ZMYND8: variants seen among roughly 807,000 people sequenced by gnomAD.
ZMYND8 encodes zinc finger MYND-type containing 8.
ZMYND8 carries 37 observed loss-of-function variants against 140.8 expected under a neutral mutation model. That is an observed-to-expected ratio of 0.26 (90% CI 0.20 to 0.35). ZMYND8 has a LOEUF of 0.35. Among genes scored for constraint, ZMYND8 ranks in the 10% least tolerant of loss-of-function variants. The pLI is 1.00. For missense variants in ZMYND8, 1,068 were observed against 1,570.0 expected, an observed-to-expected ratio of 0.68 and a Z score of 5.40; for synonymous variants, 592 against 597.1, an observed-to-expected ratio of 0.99 and a Z score of 0.12.
chr20:47,325,408 C>T (rs745329630), intron 2 of ZMYND8, among the ~76,000 whole-genome samples: 1 of 152,098 alleles, frequency 6.6e-6, no homozygotes, highest in Non-Finnish European at 1.5e-5. Flanking sequence ...GTTAACAAAG[C>T]CCTGTACAGG....
In ZMYND8 at chr20:47,265,053, CAT is replaced by C. The variant is rs199638521; in HGVS notation, c.1481-2627_1481-2626del. Among the ~76,000 whole-genome samples the C allele has an allele frequency of 2.5e-4, 28 of 114,276 alleles. 1 individual carries two copies. The highest frequency in any genetic ancestry group is 3.8e-4 in the Non-Finnish European group (18 of 46,764). The allele number at this position is 114,276 out of a possible 152,430, so 75.0% of individuals were successfully genotyped here. ...CCCTGTCCCCAAAAAAATATATATA[CAT>C]ATATATATATATAGGCATTTTAACG... is the stretch of plus-strand genomic sequence containing the variant. On this transcript the variant is annotated intron_variant, in intron 11 of 22. Transcript: ENST00000471951.
At chr20:47,300,750 T>C (rs890828946) in intron 3 of ZMYND8, among the ~76,000 whole-genome samples, 4 of 152,210 alleles carry the variant, frequency 2.6e-5, no homozygotes, top group African/African-American at 9.6e-5. Flanking sequence ...GGTCTTGCTC[T>C]GTCGCCCAGG....
intron 1 of ZMYND8, 43 bp from the exon 2 acceptor site, chr20:47,347,969 A>G: frequency 6.2e-7 from 1 of 1,602,140 alleles, no homozygotes; most frequent in Non-Finnish European, 8.5e-7. Context: ...AAGGCTGAGA[A>G]CTTGCCCCAT....
In ZMYND8 at chr20:47,286,177, AT is replaced by A. The variant is rs35537741; in HGVS notation, c.804+1051del. ...TATAGATATAAATTTATAAGGATAG[AT>A]TTTTTTTTTTTTTCTCGGAGACAGA... On this transcript the variant is annotated intron_variant, in intron 8 of 22. Transcript: ENST00000471951. 1.4e-3 allele frequency among the ~76,000 whole-genome samples: 211 copies of A among 146,356 alleles called. 1 individual carries two copies. The highest frequency in any genetic ancestry group is 6.9e-3 in the Middle Eastern group (2 of 288).
intron 3 of ZMYND8, among the ~76,000 whole-genome samples, chr20:47,300,128 C>T (rs1026216962): frequency 3.3e-5 from 5 of 152,114 alleles, no homozygotes; most frequent in African/African-American, 1.2e-4. Flanking sequence ...CACTTGAACA[C>T]AAAAACTCAC....
At chr20:47,271,334 T>G (rs963852613) in intron 11 of ZMYND8, among the ~76,000 whole-genome samples, 1 of 152,188 alleles carries the variant, frequency 6.6e-6, no homozygotes, top group African/African-American at 2.4e-5. Flanking sequence ...TTGTATTTCC[T>G]TATGAAAGAG....
chr20:47,231,303 C>T (rs2038447136), intron 16 of ZMYND8, among the ~76,000 whole-genome samples: 1 of 152,182 alleles, frequency 6.6e-6, no homozygotes, highest in South Asian at 2.1e-4. Flanking sequence ...TGAGTCTCTC[C>T]AGTGCTTTCT....
chr20:47,335,244 TCAAA>T (rs554439062), intron 2 of ZMYND8, among the ~76,000 whole-genome samples: 82 of 151,570 alleles, frequency 5.4e-4, no homozygotes, highest in Non-Finnish European at 9.9e-4. Context: ...AGACCCTGTC[TCAAA>T]CAAACAAACA....
intron 1 of ZMYND8, chr20:47,355,596 C>A: frequency 1.5e-6 from 1 of 671,558 alleles, no homozygotes; most frequent in Non-Finnish European, 1.8e-6. Flanking sequence ...CAACACAACC[C>A]AACAACTGAA....
chr20:47,228,995 T>A (rs1318373675), intron 17 of ZMYND8, among the ~76,000 whole-genome samples: 1 of 111,776 alleles, frequency 8.9e-6, no homozygotes, highest in Non-Finnish European at 2.1e-5. Flanking sequence ...GATAGCTTAA[T>A]TTTTTTTTTT....
chr20:47,285,229 C>T (rs1307455199), intron 8 of ZMYND8, among the ~76,000 whole-genome samples: 3 of 152,218 alleles, frequency 2.0e-5, no homozygotes, highest in Non-Finnish European at 2.9e-5. Context: ...ATTTGTTATT[C>T]CTTTCTACCA....
chr20:47,255,763 T>TATATAC (rs1304661711), intron 12 of ZMYND8, among the ~76,000 whole-genome samples: 3 of 89,024 alleles, frequency 3.4e-5, no homozygotes, highest in South Asian at 3.0e-4. Flanking sequence ...TATATATATA[T>TATATAC]ACGGTATATA....
At chr20:47,314,654 T>C (rs1186292825) in intron 2 of ZMYND8, among the ~76,000 whole-genome samples, 1 of 152,224 alleles carries the variant, frequency 6.6e-6, no homozygotes, top group Non-Finnish European at 1.5e-5. Flanking sequence ...GGTATGTGTA[T>C]GTGTTTAGGA....
chr20:47,336,354 C>A (rs2081384676), intron 2 of ZMYND8, among the ~76,000 whole-genome samples: 1 of 152,228 alleles, frequency 6.6e-6, no homozygotes, highest in Admixed American at 6.5e-5. Flanking sequence ...TCCGCTGCAT[C>A]TGTGCGTGTT....
At chr20:47,277,809 T>G (rs1434995486) in intron 10 of ZMYND8, among the ~76,000 whole-genome samples, 2 of 152,134 alleles carry the variant, frequency 1.3e-5, no homozygotes, top group Non-Finnish European at 2.9e-5. Flanking sequence ...TAGCCAGAAC[T>G]GCAGGTGTGT....
chr20:47,276,336 C>A lies in ZMYND8; in HGVS notation c.1458G>T (p.Met486Ile). Residue 486 changes from methionine to isoleucine, a missense_variant, in exon 11 of 23, where the codon ATG becomes ATT. Coordinates refer to ENST00000471951, the MANE Select transcript of ZMYND8 (RefSeq NM_001281775.3). ...SSHFSASEES[M>I]DFLDKSTASP... ...GACCTGTGCTCTTATCCAGGAAGTC[C>A]ATGGACTCCTCGCTCGCACTGAAGT... 6.3e-7 allele frequency: 1 copy of A among 1,578,980 alleles called. No homozygotes were observed.
chr20:47,209,663 C>CATCA lies in ZMYND8; in HGVS notation c.*1094_*1097dup, dbSNP rs1225876634. The CATCA allele has an allele frequency of 5.9e-5, 9 of 152,638 alleles. No individual in the cohort carries two copies. Among genetic ancestry groups the CATCA allele is most frequent in the Non-Finnish European group, 8.8e-5 (6 of 68,042 alleles). The allele number at this position is 152,638 out of a possible 1,614,324, so 9.5% of individuals were successfully genotyped here. A position where few individuals can be genotyped will look rare whatever the true frequency, so the allele number is the denominator to read the frequency against. On this transcript the variant is annotated 3_prime_UTR_variant, in exon 23 of 23. Transcript: ENST00000471951. The stretch of plus-strand genomic sequence containing the variant: ...TACAATTAATTTTCTCATATACATA[C>CATCA]ATCACCTTTTGCTTTTTCATCAATG...
intron 13 of ZMYND8, among the ~76,000 whole-genome samples, chr20:47,247,225 G>C (rs1194137086): frequency 6.6e-6 from 1 of 152,210 alleles, no homozygotes; most frequent in Non-Finnish European, 1.5e-5. Flanking sequence ...AGGGGCTTCT[G>C]ATGAAAGAGC....
intron 16 of ZMYND8, among the ~76,000 whole-genome samples, chr20:47,230,772 TCATTTCACAA>T (rs2038367784): frequency 1.3e-5 from 2 of 152,094 alleles, no homozygotes; most frequent in Admixed American, 6.5e-5. Context: ...GTCACCACAA[TCATTTCACAA>T]CATTTTCATT....
Sources: gnomAD v4.1 joint callset for allele counts (sites outside exome capture counted in the v4.1 genomes callset) on GRCh38, gnomAD v4.1.1 for gene constraint, MANE v1.5 for transcripts, NCBI Gene and HGNC (gene_info 2026-07-23, HGNC 2026-07-21) for gene names.